Variants in FHOD3 observed in about 807,000 individuals in gnomAD.
FHOD3 encodes formin homology 2 domain containing 3, also known as FH1/FH2 domain-containing protein 3.
FHOD3 carries 90 observed loss-of-function variants against 173.0 expected under a neutral mutation model. That is an observed-to-expected ratio of 0.52 (90% CI 0.44 to 0.62). FHOD3 has a LOEUF of 0.62. FHOD3 is among the 20% of genes least tolerant of loss of function. The pLI is 0.00. For synonymous variants in FHOD3, 828 were observed against 823.0 expected (o/e 1.01, Z -0.10); for missense variants, 1,945 against 2,034.7 (o/e 0.96, Z 0.85).
intron 10 of FHOD3, among the ~76,000 whole-genome samples, chr18:36,626,206 A>C (rs1399483735): frequency 6.6e-6 from 1 of 152,184 alleles, no homozygotes; most frequent in Non-Finnish European, 1.5e-5. Flanking sequence ...GTTTCCAAAT[A>C]GCTGTCTCTA....
At chr18:36,763,297 AT>A (rs2042984489) in intron 27 of FHOD3, among the ~76,000 whole-genome samples, 1 of 139,816 alleles carries the variant, frequency 7.2e-6, no homozygotes, top group African/African-American at 2.6e-5. Context: ...TATGCGTATT[AT>A]ACACGTTATA....
intron 2 of FHOD3, among the ~76,000 whole-genome samples, chr18:36,371,406 C>T (rs905005151): frequency 5.9e-5 from 9 of 152,194 alleles, no homozygotes; most frequent in African/African-American, 1.9e-4. Flanking sequence ...AGCAAAGGCA[C>T]ATCTTACATG....
At chr18:36,661,353 A>ATAC (rs1469623674) in intron 14 of FHOD3, among the ~76,000 whole-genome samples, 1 of 152,214 alleles carries the variant, frequency 6.6e-6, no homozygotes, top group Non-Finnish European at 1.5e-5. Flanking sequence ...TGAGGTATAT[A>ATAC]TACTTTAGTA....
In FHOD3 at chr18:36,385,142, G is replaced by A. The variant is rs112055040; in HGVS notation, c.337+12398G>A. ...GAATTGTATTAACTATTAAACTGGG[G>A]AAATACATTGTGGAACTCTTAAATA... On this transcript the variant is annotated intron_variant, in intron 3 of 28. Transcript: ENST00000590592. Among the ~76,000 whole-genome samples, 193 of 152,294 alleles carry A rather than the reference G, an allele frequency of 1.3e-3. 2 individuals carry two copies. Among genetic ancestry groups the A allele is most frequent in the African/African-American group, 4.4e-3 (181 of 41,546 alleles).
chr18:36,337,315 C>T (rs1333825293), intron 1 of FHOD3, among the ~76,000 whole-genome samples: 3 of 152,140 alleles, frequency 2.0e-5, no homozygotes, highest in African/African-American at 2.4e-5. Context: ...ACAGTGAATA[C>T]GATCCCCAAA....
At chr18:36,651,607 C>A (rs2036055120) in intron 11 of FHOD3, among the ~76,000 whole-genome samples, 1 of 152,054 alleles carries the variant, frequency 6.6e-6, no homozygotes, top group East Asian at 1.9e-4. Context: ...ACAAAATTAG[C>A]CAGGTGTGGT....
At chr18:36,627,725 T>C (rs1280973850) in intron 10 of FHOD3, among the ~76,000 whole-genome samples, 1 of 152,226 alleles carries the variant, frequency 6.6e-6, no homozygotes, top group Non-Finnish European at 1.5e-5. Context: ...GGCCCCAAAG[T>C]GACGGCATGA....
intron 3 of FHOD3, among the ~76,000 whole-genome samples, chr18:36,466,051 C>T (rs1056634761): frequency 4.6e-5 from 7 of 152,158 alleles, no homozygotes; most frequent in African/African-American, 1.7e-4. Flanking sequence ...TCTCACCCAC[C>T]CCCAATGCAT....
chr18:36,610,519 C>CT lies in FHOD3; in HGVS notation c.814-1431dup, dbSNP rs149353988. On this transcript the variant is annotated intron_variant, in intron 8 of 28. Coordinates refer to ENST00000590592, the MANE Select transcript of FHOD3 (RefSeq NM_001281740.3). ...ATTTATGATGGCTTCAGATTCACAG[C>CT]TTCCTGCCTTGTGTCCTTATCGGGG... Among the ~76,000 whole-genome samples the CT allele has an allele frequency of 5.3e-3, 814 of 152,344 alleles. 9 individuals are homozygous for CT. The highest frequency in any genetic ancestry group is 0.019 in the African/African-American group (787 of 41,574).
At chr18:36,602,918 C>G in intron 8 of FHOD3, 150 bp downstream of exon 8, 1 of 643,180 alleles carries the variant, frequency 1.6e-6, no homozygotes, top group Non-Finnish European at 2.8e-6. Flanking sequence ...TGCAGCATGA[C>G]TGTGTTCTTA....
intron 10 of FHOD3, among the ~76,000 whole-genome samples, chr18:36,643,285 A>G (rs1008741729): frequency 3.3e-5 from 5 of 152,152 alleles, no homozygotes; most frequent in Middle Eastern, 3.4e-3. Flanking sequence ...TTTGAACTGA[A>G]TAATTCTTTG....
At chr18:36,750,937 G>A (rs575238824) in intron 24 of FHOD3, among the ~76,000 whole-genome samples, 1 of 152,244 alleles carries the variant, frequency 6.6e-6, no homozygotes, top group South Asian at 2.1e-4. Flanking sequence ...TGTTCTTTTT[G>A]CTTAGGATTG....
intron 5 of FHOD3, among the ~76,000 whole-genome samples, chr18:36,547,647 GAAC>G (rs1379437812): frequency 6.6e-6 from 1 of 152,098 alleles, no homozygotes; most frequent in African/African-American, 2.4e-5. Flanking sequence ...AGACAAAAGG[GAAC>G]AGAACACGGG....
At position 36,468,490 on chromosome 18, in the gene FHOD3, C is replaced by T. The variant is rs976218882; in HGVS notation, c.338-33442C>T. 3.3e-5 allele frequency among the ~76,000 whole-genome samples: 5 copies of T among 152,110 alleles called. 1 individual carries two copies. In the East Asian group the frequency reaches 7.7e-4, roughly 23 times the overall value. Reference sequence around the variant, plus strand: ...CTGGAGACAGGCCACAGGAGTCTGCCGTGGGCGAGGGAGCTGCCCGGAGCT... The same window carrying T: ...CTGGAGACAGGCCACAGGAGTCTGCTGTGGGCGAGGGAGCTGCCCGGAGCT... On this transcript the variant is annotated intron_variant, in intron 3 of 28. Transcript: ENST00000590592.
chr18:36,520,310 A>C (rs1377821927), intron 5 of FHOD3, among the ~76,000 whole-genome samples: 1 of 152,128 alleles, frequency 6.6e-6, no homozygotes, highest in Non-Finnish European at 1.5e-5. Context: ...AATATTGTTG[A>C]ATATAGCAAG....
Position 36,741,847 on chromosome 18 carries a change from G to A in FHOD3, c.3760-890G>A, listed in dbSNP as rs555139862. The stretch of plus-strand genomic sequence containing the variant: ...AAAGGAAGGAGCAAGGTCCTGTACT[G>A]AGGGCCAGATGGTGGTGGGTTTGGG... On this transcript the variant is annotated intron_variant, in intron 21 of 28. Coordinates refer to ENST00000590592, the MANE Select transcript of FHOD3 (RefSeq NM_001281740.3). Among the ~76,000 whole-genome samples, 143 of 152,170 alleles carry A rather than the reference G, an allele frequency of 9.4e-4. 3 individuals are homozygous for A. Among genetic ancestry groups the A allele is most frequent in the Non-Finnish European group, 7.8e-4 (53 of 68,016 alleles).
rs1434370621 is a variant in FHOD3 at position 36,649,200 on chromosome 18, T to C, written c.1197-116T>C. On this transcript the variant is annotated intron_variant, in intron 10 of 28. Transcript: ENST00000590592. ...GGTGGTTTTTTTTTTTTAATTATTATTATTTCGTTGTTGTTGTTGTTGTTG... is the reference window on the plus strand; with the variant it reads ...GGTGGTTTTTTTTTTTTAATTATTACTATTTCGTTGTTGTTGTTGTTGTTG... 5 of 642,216 alleles carry C rather than the reference T, an allele frequency of 7.8e-6. No homozygotes were observed. The Admixed American group carries it at 9.5e-5, about 12-fold the overall frequency. The allele number at this position is 642,216 out of a possible 1,614,324, so 39.8% of individuals were successfully genotyped here.
intron 4 of FHOD3, among the ~76,000 whole-genome samples, chr18:36,502,354 C>T (rs1363761495): frequency 6.6e-6 from 1 of 151,930 alleles, no homozygotes; most frequent in Non-Finnish European, 1.5e-5. Context: ...ACCCATCAAC[C>T]CATCATCTAC....
chr18:36,443,548 G>A (rs1215741845), intron 3 of FHOD3, among the ~76,000 whole-genome samples: 3 of 152,100 alleles, frequency 2.0e-5, no homozygotes, highest in Non-Finnish European at 2.9e-5. Flanking sequence ...ATCTCAAGAA[G>A]TTTCATGCTT....
Sources: gnomAD v4.1 joint callset for allele counts (sites outside exome capture counted in the v4.1 genomes callset) on GRCh38, gnomAD v4.1.1 for gene constraint, MANE v1.5 for transcripts, NCBI Gene and HGNC (gene_info 2026-07-23, HGNC 2026-07-21) for gene names.